The following CHN2 variants were observed in gnomAD, a reference collection of about 807,000 sequenced individuals.
CHN2 encodes the protein beta-chimaerin.
A neutral mutation model predicts 56.3 loss-of-function variants in CHN2; 35 were observed. The observed-to-expected ratio is 0.62, with a 90% confidence interval of 0.47 to 0.82. The LOEUF (loss-of-function observed/expected upper bound fraction) is 0.82, where lower values mean the gene tolerates loss of function less well. Among genes scored for constraint, CHN2 ranks in the 40% least tolerant of loss-of-function variants. CHN2 has a pLI of 0.00. For synonymous variants in CHN2, 210 were observed against 212.8 expected (o/e 0.99, Z 0.12); for missense variants, 491 against 580.5 (o/e 0.85, Z 1.58).
chr7:29,205,591 C>T (rs1279795418), intron 1 of CHN2, among the ~76,000 whole-genome samples: 1 of 152,156 alleles, frequency 6.6e-6, no homozygotes, highest in Non-Finnish European at 1.5e-5. Flanking sequence ...ACTCAGAACT[C>T]GTGATCTTCT....
intron 1 of CHN2, among the ~76,000 whole-genome samples, chr7:29,231,542 T>A (rs1251367266): frequency 6.6e-6 from 1 of 152,150 alleles, no homozygotes; most frequent in East Asian, 1.9e-4. Flanking sequence ...AAGAGATATC[T>A]CCTTAATGGT....
intron 2 of CHN2, among the ~76,000 whole-genome samples, chr7:29,148,024 G>A (rs758097530): frequency 3.3e-5 from 5 of 152,168 alleles, no homozygotes; most frequent in Admixed American, 1.3e-4. Flanking sequence ...GCTCGGTCAA[G>A]CTTCCCAGAA....
intron 1 of CHN2, among the ~76,000 whole-genome samples, chr7:29,328,871 T>A (rs1251088078): frequency 6.6e-6 from 1 of 152,154 alleles, no homozygotes; most frequent in Non-Finnish European, 1.5e-5. Flanking sequence ...CCACCATCTG[T>A]TGATGAAAAG....
At chr7:29,458,597 G>A (rs190893782) in intron 6 of CHN2, among the ~76,000 whole-genome samples, 1 of 152,110 alleles carries the variant, frequency 6.6e-6, no homozygotes, top group Non-Finnish European at 1.5e-5. Context: ...GATGGAAAGT[G>A]GTCCTAGCTA....
chr7:29,240,825 G>GTCA (rs1302257599), intron 1 of CHN2, among the ~76,000 whole-genome samples: 1 of 151,088 alleles, frequency 6.6e-6, no homozygotes, highest in African/African-American at 2.4e-5. Flanking sequence ...CTTCGTCGTC[G>GTCA]TCGTCGTCGT....
At chr7:29,351,536 G>A (rs1585131848) in intron 1 of CHN2, among the ~76,000 whole-genome samples, 3 of 152,140 alleles carry the variant, frequency 2.0e-5, no homozygotes, top group Admixed American at 2.0e-4. Flanking sequence ...GGCATAGGGG[G>A]AAGGCCACTT....
At chr7:29,380,279 T>C (rs1221040489) in intron 3 of CHN2, among the ~76,000 whole-genome samples, 1 of 122,300 alleles carries the variant, frequency 8.2e-6, no homozygotes, top group Non-Finnish European at 1.9e-5. Flanking sequence ...AGAAATTTGG[T>C]TCTTACCAAA....
chr7:29,511,098 A>AT, intron 12 of CHN2, among the ~76,000 whole-genome samples: 1 of 146,614 alleles, frequency 6.8e-6, no homozygotes, highest in African/African-American at 2.5e-5. Context: ...TGAACCGAAA[A>AT]TTGTCTACAT....
intron 1 of CHN2, among the ~76,000 whole-genome samples, chr7:29,294,766 C>A (rs950855831): frequency 1.3e-5 from 2 of 152,172 alleles, no homozygotes; most frequent in African/African-American, 4.8e-5. Context: ...CAGCACCATC[C>A]CCTCCCTGCC....
intron 1 of CHN2, among the ~76,000 whole-genome samples, chr7:29,250,978 G>A (rs1788465552): frequency 6.6e-6 from 1 of 152,124 alleles, no homozygotes; most frequent in Non-Finnish European, 1.5e-5. Flanking sequence ...CCAAAGTGGT[G>A]GGATTACAGG....
chr7:29,436,255 C>A (rs554908605), intron 6 of CHN2, among the ~76,000 whole-genome samples: 62 of 152,268 alleles, frequency 4.1e-4, no homozygotes, highest in Admixed American at 7.2e-4. Context: ...GCTGCTGATC[C>A]AGAGACCACG....
intron 1 of CHN2, among the ~76,000 whole-genome samples, chr7:29,352,778 C>T (rs1009687423): frequency 6.6e-6 from 1 of 152,008 alleles, no homozygotes; most frequent in Non-Finnish European, 1.5e-5. Flanking sequence ...TCAGAAATGC[C>T]TGGCATTTCT....
chr7:29,371,388 C>G (rs1412001317), intron 3 of CHN2, among the ~76,000 whole-genome samples: 1 of 152,212 alleles, frequency 6.6e-6, no homozygotes, highest in Non-Finnish European at 1.5e-5. Flanking sequence ...TGAAGCTTTA[C>G]TACTGCAAAT....
chr7:29,236,509 G>C (rs1787204348), intron 1 of CHN2, among the ~76,000 whole-genome samples: 1 of 152,216 alleles, frequency 6.6e-6, no homozygotes, highest in African/African-American at 2.4e-5. Flanking sequence ...TACATGAGTT[G>C]TGATTTCACA....
intron 6 of CHN2, among the ~76,000 whole-genome samples, chr7:29,462,126 G>A (rs1785213265): frequency 6.6e-6 from 1 of 152,100 alleles, no homozygotes; most frequent in African/African-American, 2.4e-5. Flanking sequence ...AATGCATTCT[G>A]CGTAAAACTT....
chr7:29,266,866 G>A (rs923339093), intron 1 of CHN2, among the ~76,000 whole-genome samples: 4 of 152,174 alleles, frequency 2.6e-5, no homozygotes, highest in Admixed American at 1.3e-4. Flanking sequence ...TCTTCTAGTC[G>A]AGAAACCTAG....
intron 7 of CHN2, among the ~76,000 whole-genome samples, chr7:29,483,544 C>T (rs952910815): frequency 5.9e-5 from 9 of 152,126 alleles, no homozygotes; most frequent in South Asian, 2.1e-4. Context: ...GGCACTGAGA[C>T]GTATTTGTTG....
At chr7:29,292,830 T>C (rs1792745534) in intron 1 of CHN2, 1 of 450,100 alleles carries the variant, frequency 2.2e-6, no homozygotes, top group East Asian at 7.0e-5. Flanking sequence ...TTTTCTACTT[T>C]TGTTGTCACC....
rs1239365141 is a variant in CHN2, at chr7:29,512,615, C to T, written c.1287C>T (p.Ile429=). 5.0e-6 allele frequency: 8 copies of T among 1,613,494 alleles called. No homozygotes were observed. The highest frequency in any genetic ancestry group is 1.7e-4 in the Middle Eastern group (1 of 6,048). ...DNFMNAENLG[I]VFGPTLMRPP... ...TCATGAATGCAGAAAATCTGGGGAT[C>T]GTGTTTGGGCCCACTCTGATGAGGC... Residue 429 remains isoleucine, a synonymous_variant, in exon 13 of 13, where the codon ATC becomes ATT. Coordinates refer to ENST00000222792, the MANE Select transcript of CHN2 (RefSeq NM_004067.4).
Sources: allele counts gnomAD v4.1 joint callset (sites outside exome capture counted in the v4.1 genomes callset), GRCh38; gene constraint gnomAD v4.1.1; transcripts MANE v1.5; gene names NCBI Gene and HGNC (gene_info 2026-07-23, HGNC 2026-07-21).